SOS2: variants seen among roughly 807,000 people sequenced by gnomAD.
SOS2 encodes the protein SOS Ras/Rho guanine nucleotide exchange factor 2.
Under a neutral mutation model 148.2 loss-of-function variants are expected in SOS2, and 65 were observed. The ratio of observed to expected loss-of-function variants is 0.44; its 90% CI spans 0.36 to 0.54. SOS2 has a LOEUF of 0.54. Among genes scored for constraint, SOS2 ranks in the 20% least tolerant of loss-of-function variants. The pLI, the probability that SOS2 is intolerant of heterozygous loss-of-function variation, is 0.00. For synonymous variants in SOS2, 539 were observed against 537.1 expected (o/e 1.00, Z -0.05); for missense variants, 1,341 against 1,590.2 (o/e 0.84, Z 2.67).
chr14:50,210,296 G>A (rs1395793467), intron 1 of SOS2, among the ~76,000 whole-genome samples: 2 of 152,212 alleles, frequency 1.3e-5, no homozygotes, highest in African/African-American at 2.4e-5. Context: ...GTGTGGCAGA[G>A]AGTTGCAGGG....
At chr14:50,180,094 T>C (rs1293591905) in intron 7 of SOS2, among the ~76,000 whole-genome samples, 2 of 151,682 alleles carry the variant, frequency 1.3e-5, no homozygotes, top group Non-Finnish European at 2.9e-5. Flanking sequence ...AACCTCCGCC[T>C]TCCGGGTCAA....
intron 11 of SOS2, 78 bp downstream of exon 11, chr14:50,158,487 T>C (rs1288626511): frequency 2.6e-6 from 2 of 771,484 alleles, no homozygotes; most frequent in East Asian, 2.6e-5. Context: ...TGAGTATTTA[T>C]TAGGTACTAG....
intron 8 of SOS2, among the ~76,000 whole-genome samples, chr14:50,166,604 G>A (rs17122228): frequency 0.16 from 23,709 of 152,046 alleles, 2,446 homozygotes; most frequent in Admixed American, 0.33. Flanking sequence ...ATCCTTAGTT[G>A]TCTATAAGTG....
chr14:50,161,807 T>G (rs1296011908), intron 8 of SOS2, among the ~76,000 whole-genome samples, 198 bp from the exon 9 acceptor site: 1 of 142,312 alleles, frequency 7.0e-6, no homozygotes, highest in Non-Finnish European at 1.5e-5. Context: ...TTTTTTTTTT[T>G]GAAACAGGAT....
At position 50,142,198 on chromosome 14, in the gene SOS2, G is replaced by T. The variant is rs1884319207; in HGVS notation, c.2668-2139C>A. ...AATTTTTATATTTTTAGTAAAGACG[G>T]GGTTTCATCATGTTGGCCAGGCTGG... On this transcript the variant is annotated intron_variant, in intron 16 of 22. Coordinates refer to ENST00000216373, the MANE Select transcript of SOS2 (RefSeq NM_006939.4). 2.0e-5 allele frequency among the ~76,000 whole-genome samples: 3 copies of T among 151,766 alleles called. No individual in the cohort carries two copies. The South Asian group carries it at 6.2e-4, about 32-fold the overall frequency.
intron 1 of SOS2, among the ~76,000 whole-genome samples, chr14:50,208,085 C>T (rs1886729883): frequency 6.6e-6 from 1 of 151,998 alleles, no homozygotes; most frequent in African/African-American, 2.4e-5. Flanking sequence ...CACTTGAGGT[C>T]AGGAGTTCAA....
intron 6 of SOS2, among the ~76,000 whole-genome samples, chr14:50,181,975 T>C (rs1366461411): frequency 6.7e-6 from 1 of 148,728 alleles, no homozygotes. Flanking sequence ...TTCCTTCATC[T>C]TGAATATACT....
At position 50,182,510 on chromosome 14, in the gene SOS2, T is replaced by C. The variant is rs775494170; in HGVS notation, c.811A>G (p.Ser271Gly). The change falls in exon 6 of 23, where the codon AGC becomes GGC. Residue 271 changes from serine to glycine, a missense_variant. This residue lies in a region of SOS2 where 574 missense variants were observed against 711.1 expected (regional missense o/e 0.81). Transcript: ENST00000216373. ...IEDTVEMTDE[S>G]SPHPLAGSCF... is the part of the protein sequence containing the mutation. ...CTGCCAGCTAAGGGATGAGGACTGC[T>C]TTCATCAGTCATTTCAACTGTGTCT... The C allele has an allele frequency of 2.0e-4, 318 of 1,613,776 alleles. 1 individual carries two copies. Among genetic ancestry groups the C allele is most frequent in the Non-Finnish European group, 2.6e-4 (311 of 1,179,768 alleles).
intron 1 of SOS2, among the ~76,000 whole-genome samples, chr14:50,220,405 C>CAAA (rs367829144): frequency 6.6e-5 from 2 of 30,448 alleles, no homozygotes; most frequent in East Asian, 1.4e-3. Flanking sequence ...GACTCCATCT[C>CAAA]AAAAAAAAAA....
chr14:50,191,380 A>C (rs1886132942), intron 4 of SOS2, among the ~76,000 whole-genome samples: 2 of 152,146 alleles, frequency 1.3e-5, no homozygotes, highest in Admixed American at 6.5e-5. Flanking sequence ...GAGGTGGGAG[A>C]ATCACTTGAG....
intron 8 of SOS2, 35 bp from the exon 9 acceptor site, chr14:50,161,644 T>C (rs199844207): frequency 4.8e-5 from 76 of 1,597,308 alleles, no homozygotes; most frequent in East Asian, 1.6e-4. Flanking sequence ...CAAAACTGCA[T>C]TGTTTGATTC....
At chr14:50,169,355 C>A (rs1312451800) in intron 8 of SOS2, among the ~76,000 whole-genome samples, 1 of 150,732 alleles carries the variant, frequency 6.6e-6, no homozygotes, top group African/African-American at 2.4e-5. Context: ...AACAAACAGG[C>A]CAGGCACAGT....
At chr14:50,160,300 C>CA (rs573699800) in intron 9 of SOS2, among the ~76,000 whole-genome samples, 2 of 146,264 alleles carry the variant, frequency 1.4e-5, no homozygotes, top group African/African-American at 2.5e-5. Context: ...ACTAAAATTA[C>CA]AAAAAATCCT....
At chr14:50,228,730 C>T (rs540818649) in intron 1 of SOS2, among the ~76,000 whole-genome samples, 4 of 152,160 alleles carry the variant, frequency 2.6e-5, no homozygotes, top group Non-Finnish European at 4.4e-5. Flanking sequence ...AGCTCAGAAC[C>T]GCTCTCATTT....
In SOS2 at chr14:50,180,731, T is replaced by C. The variant is rs754738790; in HGVS notation, c.859-49A>G. 1.1e-5 allele frequency: 11 copies of C among 1,030,996 alleles called. No homozygotes were observed. In the East Asian group the frequency reaches 1.8e-4, roughly 17 times the overall value. 63.9% of individuals were successfully genotyped at this position (1,030,996 alleles called of 1,614,324 possible). On this transcript the variant is annotated intron_variant, in intron 6 of 22. Coordinates refer to ENST00000216373, the MANE Select transcript of SOS2 (RefSeq NM_006939.4). ...GCATTAGGTTTAAAAGAATATATTTTCTACCAATATGGTACAGATTATTAT... is the reference window on the plus strand; with the variant it reads ...GCATTAGGTTTAAAAGAATATATTTCCTACCAATATGGTACAGATTATTAT...
intron 11 of SOS2, among the ~76,000 whole-genome samples, chr14:50,157,433 T>C (rs1447926701): frequency 6.6e-6 from 1 of 152,154 alleles, no homozygotes; most frequent in Non-Finnish European, 1.5e-5. Context: ...TCTAACAATG[T>C]CTTTAATATT....
intron 7 of SOS2, 142 bp from the exon 8 acceptor site, chr14:50,174,694 T>C (rs890872004): frequency 2.2e-6 from 1 of 455,976 alleles, no homozygotes; most frequent in Non-Finnish European, 4.0e-6. Flanking sequence ...ATATTGAAAC[T>C]GAAGTGCTAT....
intron 18 of SOS2, among the ~76,000 whole-genome samples, chr14:50,136,293 A>C (rs921339981): frequency 3.9e-5 from 6 of 152,088 alleles, no homozygotes; most frequent in African/African-American, 1.4e-4. Flanking sequence ...CTACATTTTA[A>C]ATTTATTTTG....
At position 50,176,253 on chromosome 14, in the gene SOS2, T is replaced by C. The variant is rs575019490; in HGVS notation, c.970-1701A>G. Among the ~76,000 whole-genome samples the C allele has an allele frequency of 7.2e-5, 11 of 152,358 alleles. No homozygotes were observed. In the East Asian group the frequency reaches 1.2e-3, roughly 16 times the overall value. ...CACCAAATCTGTTAGCCTCTTGATA[T>C]GGGACTTCCTAAATGTGAACTGTGA... is the stretch of plus-strand genomic sequence containing the variant. On this transcript the variant is annotated intron_variant, in intron 7 of 22. Transcript: ENST00000216373.
Sources: gnomAD v4.1 joint callset for allele counts (sites outside exome capture counted in the v4.1 genomes callset) on GRCh38, gnomAD v4.1.1 for gene constraint, gnomAD v4.1.1 regional missense constraint, MANE v1.5 for transcripts, NCBI Gene and HGNC (gene_info 2026-07-23, HGNC 2026-07-21) for gene names.